DSCAM: variants seen among roughly 807,000 people sequenced by gnomAD.
The protein encoded by DSCAM is cell adhesion molecule DSCAM.
In DSCAM, 47 loss-of-function variants were observed where a neutral mutation model predicts 217.7. That is an observed-to-expected ratio of 0.22 (90% confidence interval 0.17 to 0.28). The LOEUF is 0.28. DSCAM is among the 10% of genes least tolerant of loss of function. The probability of loss-of-function intolerance (pLI) is 1.00; values close to 1 mark genes in which losing one functional copy is unlikely to be tolerated. For missense variants in DSCAM, 2,080 were observed against 2,618.3 expected (o/e 0.79, Z 4.49); for synonymous variants, 1,056 against 1,015.3 (o/e 1.04, Z -0.76).
chr21:40,250,819 G>A (rs1166514738), intron 11 of DSCAM, among the ~76,000 whole-genome samples: 1 of 152,142 alleles, frequency 6.6e-6, no homozygotes, highest in African/African-American at 2.4e-5. Flanking sequence ...TTCAATAAAG[G>A]GCTACCTTGG....
At chr21:40,756,339 A>T (rs1050079585) in intron 1 of DSCAM, among the ~76,000 whole-genome samples, 3 of 152,136 alleles carry the variant, frequency 2.0e-5, no homozygotes, top group African/African-American at 7.2e-5. Context: ...TGCTTCTTGT[A>T]CAGCCTACAG....
intron 3 of DSCAM, among the ~76,000 whole-genome samples, chr21:40,594,209 G>A (rs2146248799): frequency 6.6e-6 from 1 of 152,256 alleles, no homozygotes; most frequent in Admixed American, 6.5e-5. Flanking sequence ...GGTAAAACAG[G>A]AAAATATTAA....
chr21:40,590,282 G>A (rs763728118), intron 3 of DSCAM, among the ~76,000 whole-genome samples: 5 of 152,166 alleles, frequency 3.3e-5, no homozygotes, highest in African/African-American at 4.8e-5. Flanking sequence ...TGCAAGATTC[G>A]AATATCCCCT....
chr21:40,600,227 CA>C (rs1357734299), intron 3 of DSCAM, among the ~76,000 whole-genome samples: 4 of 152,160 alleles, frequency 2.6e-5, no homozygotes, highest in Non-Finnish European at 5.9e-5. Flanking sequence ...AAAATACCAT[CA>C]ACTGGGTAAT....
chr21:40,452,247 C>CACACACACACACACACAA (rs1218641936), intron 3 of DSCAM, among the ~76,000 whole-genome samples: 1 of 151,276 alleles, frequency 6.6e-6, no homozygotes, highest in African/African-American at 2.4e-5. Context: ...TACACACACA[C>CACACACACACACACACAA]ACACACACAC....
At position 40,351,629 on chromosome 21, in the gene DSCAM, C is replaced by T. The variant is rs753776641; in HGVS notation, c.934+1836G>A. 5.9e-5 allele frequency among the ~76,000 whole-genome samples: 9 copies of T among 152,112 alleles called. No homozygotes were observed. In the South Asian group the frequency reaches 8.3e-4, roughly 14 times the overall value. On this transcript the variant is annotated intron_variant, in intron 5 of 32. Transcript: ENST00000400454. ...TTCCAATAGAGAAGAGAGATAGGAA[C>T]GAAGAAGCTGTTTTCTTCTGCAGTT...
In DSCAM at chr21:40,415,443, T is replaced by A. The variant is rs190160738; in HGVS notation, c.509-46198A>T. Among the ~76,000 whole-genome samples, 316 of 152,330 alleles carry A rather than the reference T, an allele frequency of 2.1e-3. 4 individuals carry two copies. The highest frequency in any genetic ancestry group is 1.8e-3 in the Non-Finnish European group (122 of 68,034). ...GATGTATTTCAAAGAGAAATGAATA[T>A]GAGGTAGACAAACTAATGAATGACC... On this transcript the variant is annotated intron_variant, in intron 3 of 32. Transcript: ENST00000400454.
In DSCAM at chr21:40,243,868, G is replaced by A. The variant is rs180787400; in HGVS notation, c.2356+32229C>T. Among the ~76,000 whole-genome samples, 66 of 152,148 alleles carry A rather than the reference G, an allele frequency of 4.3e-4. No individual in the cohort carries two copies. In the East Asian group the frequency reaches 0.011, roughly 26 times the overall value. On this transcript the variant is annotated intron_variant, in intron 11 of 32. Coordinates refer to ENST00000400454, the MANE Select transcript of DSCAM (RefSeq NM_001389.5). The stretch of plus-strand genomic sequence containing the variant: ...AGTGTCATGGAGACGGTCTACCGGG[G>A]CAGTGATCCACACAGGCATCAGAGG...
intron 1 of DSCAM, among the ~76,000 whole-genome samples, chr21:40,727,848 G>T (rs1378011350): frequency 6.6e-6 from 1 of 152,118 alleles, no homozygotes; most frequent in Non-Finnish European, 1.5e-5. Flanking sequence ...TTTCTTCTCT[G>T]ATGTCATCTC....
chr21:40,818,945 G>A (rs930669782), intron 1 of DSCAM, among the ~76,000 whole-genome samples: 4 of 152,114 alleles, frequency 2.6e-5, no homozygotes, highest in South Asian at 2.1e-4. Flanking sequence ...TAGATCTGAA[G>A]TACAAATGTA....
intron 1 of DSCAM, among the ~76,000 whole-genome samples, chr21:40,757,182 C>T (rs1244678484): frequency 6.6e-6 from 1 of 152,010 alleles, no homozygotes; most frequent in Admixed American, 6.6e-5. Flanking sequence ...CACCACCAAG[C>T]CCGGCTAATT....
At chr21:40,061,007 C>A (rs983154353) in intron 28 of DSCAM, among the ~76,000 whole-genome samples, 8 of 152,188 alleles carry the variant, frequency 5.3e-5, no homozygotes, top group African/African-American at 1.7e-4. Context: ...TGATGAAGTA[C>A]CCCTTATGAA....
At chr21:40,311,978 T>TAAA in intron 9 of DSCAM, 103 bp downstream of exon 9, 1 of 521,602 alleles carries the variant, frequency 1.9e-6, no homozygotes, top group Non-Finnish European at 3.0e-6. Context: ...TAAAACTGAA[T>TAAA]TTCTAAGTTC....
intron 3 of DSCAM, among the ~76,000 whole-genome samples, chr21:40,553,798 A>G (rs35202506): frequency 0.069 from 10,529 of 152,174 alleles, 411 homozygotes; most frequent in East Asian, 0.11. Context: ...ACATTCTGTG[A>G]CAGAGTCATA....
At chr21:40,519,035 A>C (rs1601710829) in intron 3 of DSCAM, among the ~76,000 whole-genome samples, 1 of 152,194 alleles carries the variant, frequency 6.6e-6, no homozygotes, top group African/African-American at 2.4e-5. Flanking sequence ...GTGGTACAAT[A>C]AAATGCGGTA....
chr21:40,612,318 G>A (rs866809197), intron 3 of DSCAM, among the ~76,000 whole-genome samples: 2 of 152,016 alleles, frequency 1.3e-5, no homozygotes, highest in Non-Finnish European at 2.9e-5. Flanking sequence ...CTCCAAGTTC[G>A]GGTCCTTAGA....
chr21:40,620,957 TA>T (rs1568943269), intron 3 of DSCAM, among the ~76,000 whole-genome samples: 43 of 152,192 alleles, frequency 2.8e-4, no homozygotes, highest in African/African-American at 1.0e-3. Context: ...TCAGATGCAT[TA>T]TAAGTGAAAG....
intron 8 of DSCAM, among the ~76,000 whole-genome samples, chr21:40,328,374 T>C (rs1171798856): frequency 6.6e-6 from 1 of 151,876 alleles, no homozygotes; most frequent in East Asian, 1.9e-4. Context: ...CACAATGGGG[T>C]CTTTTCAGTA....
At chr21:40,217,124 GATT>G (rs2091250601) in intron 11 of DSCAM, among the ~76,000 whole-genome samples, 1 of 152,046 alleles carries the variant, frequency 6.6e-6, no homozygotes, top group African/African-American at 2.4e-5. Flanking sequence ...ATCATTTCAA[GATT>G]ATTTTATATT....
Sources: allele counts gnomAD v4.1 joint callset (sites outside exome capture counted in the v4.1 genomes callset), GRCh38; gene constraint gnomAD v4.1.1; transcripts MANE v1.5; gene names NCBI Gene and HGNC (gene_info 2026-07-23, HGNC 2026-07-21).